The following PRKCH variants were observed in gnomAD, a reference collection of about 807,000 sequenced individuals.
PRKCH encodes protein kinase C eta type.
Under a neutral mutation model 82.5 loss-of-function variants are expected in PRKCH, and 28 were observed. The observed-to-expected ratio is 0.34, with a 90% CI of 0.25 to 0.47. The LOEUF is 0.47. PRKCH is among the 20% of genes least tolerant of loss of function. PRKCH has a pLI of 1.00. For synonymous variants in PRKCH, 322 were observed against 327.4 expected, an observed-to-expected ratio of 0.98 and a Z score of 0.18; for missense variants, 705 against 881.8, an observed-to-expected ratio of 0.80 and a Z score of 2.54.
chr14:61,353,380 T>A (rs1398367823), intron 1 of PRKCH: 3 of 152,242 alleles, frequency 2.0e-5, no homozygotes, highest in Admixed American at 6.5e-5. Context: ...TTAACCAATC[T>A]GTAGCTGTTT....
chr14:61,413,416 C>A (rs576352429), intron 2 of PRKCH, among the ~76,000 whole-genome samples: 2 of 106,676 alleles, frequency 1.9e-5, no homozygotes, highest in Non-Finnish European at 4.1e-5. Flanking sequence ...CCCCCCCCGC[C>A]CCGCCCATGT....
At chr14:61,194,803 G>A (rs1040521491) in intron 1 of PRKCH, among the ~76,000 whole-genome samples, 4 of 152,052 alleles carry the variant, frequency 2.6e-5, no homozygotes, top group African/African-American at 7.2e-5. Context: ...GGGCGACCTC[G>A]GCTCACTGCA....
In PRKCH at chr14:61,457,259, C is replaced by T. The variant is rs754793380; in HGVS notation, c.1044C>T (p.Asn348=). 3 of 1,614,184 alleles carry T rather than the reference C, an allele frequency of 1.9e-6. No homozygotes were observed. Among genetic ancestry groups the T allele is most frequent in the South Asian group, 1.1e-5 (1 of 91,078 alleles). ...ATGGGATTGGGGTTAATTCTTCCAA[C>T]CGACTTGGTATCGACAACTTTGAGT... is the stretch of plus-strand genomic sequence containing the variant. ...EGNGIGVNSS[N]RLGIDNFEFI... Residue 348 remains asparagine (N), a synonymous_variant, in exon 8 of 14, where the codon AAC becomes AAT. Coordinates refer to ENST00000332981, the MANE Select transcript of PRKCH (RefSeq NM_006255.5).
At chr14:61,258,783 G>A (rs2045020694) in intron 1 of PRKCH, among the ~76,000 whole-genome samples, 1 of 152,020 alleles carries the variant, frequency 6.6e-6, no homozygotes, top group Admixed American at 6.6e-5. Flanking sequence ...ATTTTAAATT[G>A]CCTTAACTTT....
At chr14:61,261,052 G>C (rs973935198) in intron 1 of PRKCH, among the ~76,000 whole-genome samples, 2 of 152,070 alleles carry the variant, frequency 1.3e-5, no homozygotes, top group African/African-American at 4.8e-5. Context: ...CCACCACTGG[G>C]GGTGCACAAT....
chr14:61,498,514 A>G (rs1594764595), intron 10 of PRKCH, among the ~76,000 whole-genome samples: 1 of 152,208 alleles, frequency 6.6e-6, no homozygotes. Flanking sequence ...GTCTGCTGCC[A>G]TAATAAATAC....
At chr14:61,189,112 C>CA (rs1689073931) in intron 1 of PRKCH, among the ~76,000 whole-genome samples, 1 of 152,262 alleles carries the variant, frequency 6.6e-6, no homozygotes, top group Non-Finnish European at 1.5e-5. Flanking sequence ...GAAGAAAACA[C>CA]AGGGTGCGGC....
intron 1 of PRKCH, chr14:61,327,091 G>C (rs1484746662): frequency 2.2e-6 from 1 of 456,018 alleles, no homozygotes. Context: ...GGCTTGGCAG[G>C]ATCCCAGGCT....
In PRKCH at chr14:61,461,257, TC is replaced by T. The variant is rs1257296474; in HGVS notation, c.1278+3580del. On this transcript the variant is annotated intron_variant, in intron 9 of 13. Transcript: ENST00000332981. Reference sequence around the variant, plus strand: ...TCCCTGGAGTAGCCTTGAAACGACTTCCTTGGCTGGGCACTTTGCCAACGTA... The same window carrying T: ...TCCCTGGAGTAGCCTTGAAACGACTTCTTGGCTGGGCACTTTGCCAACGTA... Among the ~76,000 whole-genome samples, 24 of 152,288 alleles carry T rather than the reference TC, an allele frequency of 1.6e-4. 1 individual carries two copies. The highest frequency in any genetic ancestry group is 1.5e-3 in the Admixed American group (23 of 15,296).
chr14:61,350,440 C>T (rs1011783079), intron 1 of PRKCH, among the ~76,000 whole-genome samples: 18 of 152,132 alleles, frequency 1.2e-4, no homozygotes, highest in African/African-American at 4.3e-4. Context: ...ATAAGAATTA[C>T]TTTTCTTCTG....
At chr14:61,328,078 G>A (rs983149293) in intron 1 of PRKCH, among the ~76,000 whole-genome samples, 1 of 151,246 alleles carries the variant, frequency 6.6e-6, no homozygotes, top group African/African-American at 2.4e-5. Context: ...GTGAAACCCC[G>A]TCTCTACTAA....
At chr14:61,203,698 G>A (rs2044500422) in intron 1 of PRKCH, among the ~76,000 whole-genome samples, 1 of 152,028 alleles carries the variant, frequency 6.6e-6, no homozygotes, top group African/African-American at 2.4e-5. Flanking sequence ...ATTTCAGGTT[G>A]AGCACGGTGG....
chr14:61,530,276 C>T (rs113667732), intron 11 of PRKCH, 131 bp from the exon 12 acceptor site: 127 of 998,046 alleles, frequency 1.3e-4, no homozygotes, highest in African/African-American at 5.5e-4. Context: ...GAATGAAATA[C>T]GCTTGCTAGC....
At chr14:61,343,883 C>T (rs762660528) in intron 1 of PRKCH, among the ~76,000 whole-genome samples, 4 of 152,130 alleles carry the variant, frequency 2.6e-5, no homozygotes, top group African/African-American at 7.2e-5. Flanking sequence ...TTCCCTGGTC[C>T]GGGATCCTGA....
chr14:61,451,038 C>T (rs1566889642), intron 6 of PRKCH, 67 bp downstream of exon 6: 7 of 1,552,772 alleles, frequency 4.5e-6, no homozygotes, highest in Non-Finnish European at 5.2e-6. Context: ...TTTCAGAATT[C>T]TGTGGACTCA....
intron 1 of PRKCH, chr14:61,298,746 T>C (rs2045425448): frequency 6.6e-6 from 1 of 152,174 alleles, no homozygotes; most frequent in South Asian, 2.1e-4. Context: ...CCAAAACTCT[T>C]TTTTTCCTGC....
chr14:61,360,388 C>T (rs1474994504), intron 1 of PRKCH, among the ~76,000 whole-genome samples: 1 of 151,948 alleles, frequency 6.6e-6, no homozygotes, highest in Non-Finnish European at 1.5e-5. Flanking sequence ...GCCTGTAATC[C>T]CAGCTACTCG....
chr14:61,275,421 T>A (rs374030080), intron 1 of PRKCH, among the ~76,000 whole-genome samples: 1 of 152,178 alleles, frequency 6.6e-6, no homozygotes, highest in Non-Finnish European at 1.5e-5. Context: ...TAATGACACA[T>A]CATTTACAGC....
At chr14:61,207,844 G>A (rs939878399) in intron 1 of PRKCH, among the ~76,000 whole-genome samples, 1 of 152,192 alleles carries the variant, frequency 6.6e-6, no homozygotes, top group African/African-American at 2.4e-5. Flanking sequence ...AGTGGTGACA[G>A]ACTAAAGACA....
Sources: gnomAD v4.1 joint callset for allele counts (sites outside exome capture counted in the v4.1 genomes callset) on GRCh38, gnomAD v4.1.1 for gene constraint, MANE v1.5 for transcripts, NCBI Gene and HGNC (gene_info 2026-07-23, HGNC 2026-07-21) for gene names.